Variants in NXPH1 observed in about 807,000 individuals in gnomAD.
The protein encoded by NXPH1 is neurexophilin 1.
In NXPH1, 5 loss-of-function variants were observed where a neutral mutation model predicts 23.7. That is an observed-to-expected ratio of 0.21 (90% confidence interval 0.11 to 0.44). The LOEUF (loss-of-function observed/expected upper bound fraction) is 0.44, where lower values mean the gene tolerates loss of function less well. NXPH1 is among the 20% of genes least tolerant of loss of function. NXPH1 has a pLI of 0.99. For synonymous variants in NXPH1, 144 were observed against 122.2 expected, an observed-to-expected ratio of 1.18 and a Z score of -1.18; for missense variants, 324 against 321.6, an observed-to-expected ratio of 1.01 and a Z score of -0.06.
At chr7:8,551,720 CT>C (rs1425564415) in intron 2 of NXPH1, among the ~76,000 whole-genome samples, 1 of 151,412 alleles carries the variant, frequency 6.6e-6, no homozygotes, top group Non-Finnish European at 1.5e-5. Flanking sequence ...TTATTTACTA[CT>C]GTAACTGCTC....
At chr7:8,719,845 A>G (rs1779936901) in intron 2 of NXPH1, among the ~76,000 whole-genome samples, 1 of 149,370 alleles carries the variant, frequency 6.7e-6, no homozygotes, top group South Asian at 2.1e-4. Flanking sequence ...AAAATAAAAT[A>G]AAAAATACAA....
At chr7:8,547,184 G>A (rs1381761651) in intron 2 of NXPH1, among the ~76,000 whole-genome samples, 4 of 151,412 alleles carry the variant, frequency 2.6e-5, no homozygotes, top group African/African-American at 7.3e-5. Flanking sequence ...GCACACAATC[G>A]CTGCCACAGC....
chr7:8,752,421 C>G lies in NXPH1; in HGVS notation c.*652C>G, dbSNP rs1408490537. On this transcript the variant is annotated 3_prime_UTR_variant, in exon 3 of 3. Coordinates refer to ENST00000405863, the MANE Select transcript of NXPH1 (RefSeq NM_152745.3). ...ATGGCTCTTTTTTCTTTGAAAGGGG[C>G]CTGTTCTCAGTAAAGATGAGCAAAC... The G allele has an allele frequency of 6.6e-6, 1 of 152,434 alleles. No individual in the cohort carries two copies. Among genetic ancestry groups the G allele is most frequent in the Non-Finnish European group, 1.5e-5 (1 of 68,028 alleles). 9.4% of individuals were successfully genotyped at this position (152,434 alleles called of 1,614,324 possible).
intron 2 of NXPH1, among the ~76,000 whole-genome samples, chr7:8,539,434 T>G (rs1044788842): frequency 1.3e-5 from 2 of 151,838 alleles, no homozygotes; most frequent in African/African-American, 2.4e-5. Flanking sequence ...ATCACTCTGA[T>G]AGCAGAAATA....
At chr7:8,582,647 G>C (rs569155364) in intron 2 of NXPH1, among the ~76,000 whole-genome samples, 39 of 152,252 alleles carry the variant, frequency 2.6e-4, no homozygotes, top group East Asian at 7.7e-4. Context: ...TGTGAGTCTG[G>C]CTGTGTCTAG....
chr7:8,583,298 G>A (rs1818918457), intron 2 of NXPH1, among the ~76,000 whole-genome samples: 1 of 152,192 alleles, frequency 6.6e-6, no homozygotes, highest in African/African-American at 2.4e-5. Flanking sequence ...GCCTTCTGGG[G>A]TCTGGAATCA....
chr7:8,588,850 A>C (rs1819033855), intron 2 of NXPH1, among the ~76,000 whole-genome samples: 2 of 152,164 alleles, frequency 1.3e-5, no homozygotes, highest in South Asian at 4.1e-4. Context: ...AAGGCCATAA[A>C]ATTTAGAACA....
chr7:8,494,087 T>C (rs1281547110), intron 2 of NXPH1, among the ~76,000 whole-genome samples: 2 of 151,980 alleles, frequency 1.3e-5, no homozygotes, highest in Non-Finnish European at 2.9e-5. Flanking sequence ...TGAAGGCCTT[T>C]ACTGGGAATC....
intron 2 of NXPH1, among the ~76,000 whole-genome samples, chr7:8,503,083 A>G (rs781639848): frequency 3.9e-5 from 6 of 152,084 alleles, no homozygotes; most frequent in Admixed American, 6.6e-5. Context: ...TGCTTTGCTT[A>G]CACCAGCTGG....
chr7:8,714,637 G>T (rs923685718), intron 2 of NXPH1, among the ~76,000 whole-genome samples: 2 of 152,052 alleles, frequency 1.3e-5, no homozygotes, highest in African/African-American at 4.8e-5. Context: ...AGGGCCCAAG[G>T]GCCCTTTATT....
chr7:8,715,711 T>G (rs1276856534), intron 2 of NXPH1, among the ~76,000 whole-genome samples: 2 of 152,150 alleles, frequency 1.3e-5, no homozygotes, highest in African/African-American at 4.8e-5. Context: ...GATAAGAGTC[T>G]TCAAGAGAAA....
intron 2 of NXPH1, among the ~76,000 whole-genome samples, chr7:8,736,334 G>A (rs1194339992): frequency 6.6e-6 from 1 of 152,100 alleles, no homozygotes; most frequent in African/African-American, 2.4e-5. Context: ...TTGTGTCTTT[G>A]TTCTCACTGG....
intron 2 of NXPH1, among the ~76,000 whole-genome samples, chr7:8,611,964 G>A (rs940814172): frequency 6.6e-6 from 1 of 152,070 alleles, no homozygotes; most frequent in Admixed American, 6.6e-5. Flanking sequence ...AAGGAAATGT[G>A]ATTTCAGAAT....
rs370264322 is a variant in NXPH1 at position 8,691,524 on chromosome 7, A to AT, written c.55-59477dup. ...ACACAATTTGGTATTGGTAAACATG[A>AT]TTTTTTTAAAAAGCATATGAATTAT... is the stretch of plus-strand genomic sequence containing the variant. On this transcript the variant is annotated intron_variant, in intron 2 of 2. Transcript: ENST00000405863. Among the ~76,000 whole-genome samples, 385 of 152,288 alleles carry AT rather than the reference A, an allele frequency of 2.5e-3. 2 individuals are homozygous for AT. Among genetic ancestry groups the AT allele is most frequent in the African/African-American group, 8.8e-3 (365 of 41,560 alleles).
At chr7:8,694,225 C>T (rs950220103) in intron 2 of NXPH1, among the ~76,000 whole-genome samples, 6 of 152,136 alleles carry the variant, frequency 3.9e-5, no homozygotes, top group Admixed American at 3.9e-4. Context: ...GAATGCAATC[C>T]ACTCTTTCCT....
intron 2 of NXPH1, among the ~76,000 whole-genome samples, chr7:8,650,979 A>AT (rs1257236397): frequency 2.0e-5 from 3 of 151,986 alleles, no homozygotes; most frequent in East Asian, 3.9e-4. Flanking sequence ...TTATTTATTT[A>AT]TTATTCTTAT....
At chr7:8,560,260 A>T (rs77251138) in intron 2 of NXPH1, among the ~76,000 whole-genome samples, 3,422 of 151,848 alleles carry the variant, frequency 0.023, 134 homozygotes, top group African/African-American at 0.078. Flanking sequence ...CAACCTTCTC[A>T]TACTATAATG....
At chr7:8,546,736 C>A (rs1460523994) in intron 2 of NXPH1, among the ~76,000 whole-genome samples, 3 of 151,352 alleles carry the variant, frequency 2.0e-5, no homozygotes, top group African/African-American at 7.3e-5. Context: ...CCATCCCCTA[C>A]CATAAGCTTG....
At chr7:8,495,648 T>G (rs935993051) in intron 2 of NXPH1, among the ~76,000 whole-genome samples, 16 of 151,946 alleles carry the variant, frequency 1.1e-4, no homozygotes, top group Admixed American at 2.0e-4. Context: ...AAGAGAGGCA[T>G]ATTATTTTGT....
Sources: gnomAD v4.1 joint callset for allele counts (sites outside exome capture counted in the v4.1 genomes callset) on GRCh38, gnomAD v4.1.1 for gene constraint, MANE v1.5 for transcripts, NCBI Gene and HGNC (gene_info 2026-07-23, HGNC 2026-07-21) for gene names.